CEP162: variants seen among roughly 807,000 people sequenced by gnomAD.
CEP162 encodes the protein centrosomal protein 162, also known as centrosomal protein of 162 kDa.
A neutral mutation model predicts 169.2 loss-of-function variants in CEP162; 141 were observed. The ratio of observed to expected loss-of-function variants is 0.83; its 90% CI spans 0.73 to 0.96. The LOEUF is 0.96. Among genes scored for constraint, CEP162 ranks in the 40% least tolerant of loss-of-function variants. CEP162 has a pLI of 0.00. For missense variants in CEP162, 1,600 were observed against 1,587.2 expected (o/e 1.01, Z -0.14); for synonymous variants, 540 against 526.4 (o/e 1.03, Z -0.35).
At chr6:84,190,479 T>C (rs2099539397) in intron 11 of CEP162, among the ~76,000 whole-genome samples, 1 of 152,160 alleles carries the variant, frequency 6.6e-6, no homozygotes, top group Non-Finnish European at 1.5e-5. Flanking sequence ...CTGCTCACTC[T>C]TCGGGTCCAC....
chr6:84,222,072 A>G (rs1180570476), intron 2 of CEP162, among the ~76,000 whole-genome samples: 1 of 152,088 alleles, frequency 6.6e-6, no homozygotes, highest in Non-Finnish European at 1.5e-5. Flanking sequence ...AAAGTAGAAC[A>G]AAACAAAAAA....
intron 21 of CEP162, among the ~76,000 whole-genome samples, chr6:84,158,589 T>A (rs549121911): frequency 5.2e-4 from 79 of 152,308 alleles, no homozygotes; most frequent in African/African-American, 1.9e-3. Flanking sequence ...TAAATTGGGA[T>A]ATATCCATCT....
At chr6:84,204,529 A>G (rs1365073468) in intron 6 of CEP162, among the ~76,000 whole-genome samples, 1 of 152,222 alleles carries the variant, frequency 6.6e-6, no homozygotes, top group Non-Finnish European at 1.5e-5. Context: ...TTTGAAACCA[A>G]TGAGAACAAA....
intron 2 of CEP162, among the ~76,000 whole-genome samples, chr6:84,225,896 C>T (rs896819713): frequency 6.6e-6 from 1 of 151,954 alleles, no homozygotes; most frequent in African/African-American, 2.4e-5. Flanking sequence ...GTGCAAAGCT[C>T]CTAAGGTGAA....
At chr6:84,154,213 G>C (rs566212945) in intron 22 of CEP162, among the ~76,000 whole-genome samples, 1 of 152,078 alleles carries the variant, frequency 6.6e-6, no homozygotes, top group Non-Finnish European at 1.5e-5. Flanking sequence ...GTGCAGTAGC[G>C]GGTTGGAGTT....
At chr6:84,200,031 A>G (rs975954394) in intron 9 of CEP162, among the ~76,000 whole-genome samples, 20 of 152,048 alleles carry the variant, frequency 1.3e-4, no homozygotes, top group Non-Finnish European at 2.6e-4. Flanking sequence ...CGGGCGGATC[A>G]CAAGATCAGG....
At chr6:84,179,852 T>C (rs1055468796) in intron 13 of CEP162, among the ~76,000 whole-genome samples, 2 of 152,204 alleles carry the variant, frequency 1.3e-5, no homozygotes, top group Admixed American at 6.5e-5. Context: ...CAATAATTAA[T>C]AGCCTACCAA....
chr6:84,130,990 T>A (rs1473462123), intron 25 of CEP162, among the ~76,000 whole-genome samples: 2 of 152,228 alleles, frequency 1.3e-5, no homozygotes, highest in Non-Finnish European at 2.9e-5. Flanking sequence ...CTTGTGGGCA[T>A]TTAGTGCTAT....
In CEP162 at chr6:84,124,819, C is replaced by T; in HGVS notation, c.*251G>A. 2.2e-6 allele frequency: 1 copy of T among 461,624 alleles called. No homozygotes were observed. Among genetic ancestry groups the T allele is most frequent in the Non-Finnish European group, 3.8e-6 (1 of 264,786 alleles). The allele number at this position is 461,624 out of a possible 1,614,324, so 28.6% of individuals were successfully genotyped here. On this transcript the variant is annotated 3_prime_UTR_variant, in exon 27 of 27. Coordinates refer to ENST00000403245, the MANE Select transcript of CEP162 (RefSeq NM_014895.4). ...TTCTATTTCTAGCATACAAGTGAGC[C>T]CTTCTCTGCTATAAAGGAAACTGTC...
chr6:84,190,924 G>A (rs556831447), intron 11 of CEP162, among the ~76,000 whole-genome samples: 3 of 152,206 alleles, frequency 2.0e-5, no homozygotes, highest in Non-Finnish European at 2.9e-5. Flanking sequence ...CTCATGATCC[G>A]CCTGCCTCAG....
chr6:84,187,564 T>C (rs1293556721), intron 11 of CEP162, among the ~76,000 whole-genome samples: 1 of 152,184 alleles, frequency 6.6e-6, no homozygotes, highest in Non-Finnish European at 1.5e-5. Flanking sequence ...CTTGCCAACT[T>C]CCATCTAGAT....
chr6:84,152,350 G>A (rs967836684), intron 23 of CEP162, among the ~76,000 whole-genome samples, 195 bp downstream of exon 23: 2 of 152,170 alleles, frequency 1.3e-5, no homozygotes, highest in Non-Finnish European at 2.9e-5. Context: ...AGGTACATCA[G>A]AATTTGGGCC....
chr6:84,223,659 C>T lies in CEP162; in HGVS notation c.58-2488G>A, dbSNP rs183216046. 7.0e-4 allele frequency among the ~76,000 whole-genome samples: 106 copies of T among 152,170 alleles called. 1 individual carries two copies. Among genetic ancestry groups the T allele is most frequent in the Admixed American group, 4.5e-3 (69 of 15,290 alleles). ...TGGTGGCTCACACCTGTAATCCCAG[C>T]ACTTTGAGAGGCCGAGGCAGGCGGA... On this transcript the variant is annotated intron_variant, in intron 2 of 26. Transcript: ENST00000403245.
intron 26 of CEP162, 76 bp from the exon 27 acceptor site, chr6:84,125,352 G>C: frequency 7.9e-7 from 1 of 1,266,986 alleles, no homozygotes; most frequent in South Asian, 1.2e-5. Flanking sequence ...TCTTAAAGTA[G>C]GCAAACCTGG....
intron 19 of CEP162, among the ~76,000 whole-genome samples, chr6:84,162,631 T>C (rs1476997841): frequency 1.3e-5 from 2 of 152,174 alleles, no homozygotes; most frequent in Non-Finnish European, 2.9e-5. Flanking sequence ...CAAATGCCAC[T>C]CTGCCACGAA....
rs1206785043 is a variant in CEP162 at position 84,125,064 on chromosome 6, T to C, written c.*6A>G. 7 of 1,606,258 alleles carry C rather than the reference T, an allele frequency of 4.4e-6. No individual in the cohort carries two copies. The highest frequency in any genetic ancestry group is 6.0e-6 in the Non-Finnish European group (7 of 1,174,222). On this transcript the variant is annotated 3_prime_UTR_variant, in exon 27 of 27. Transcript: ENST00000403245. ...TAATAAGGTCATTATGAAATCTGAA[T>C]TTCTATTAATACTCTGGTGCATTCA...
chr6:84,185,564 A>T (rs750764556), intron 12 of CEP162, 116 bp from the exon 13 acceptor site: 10 of 869,542 alleles, frequency 1.2e-5, no homozygotes, highest in Non-Finnish European at 1.5e-5. Flanking sequence ...AGTTTGTAAA[A>T]GGCAAACTAC....
At chr6:84,177,717 A>G (rs1196518568) in intron 13 of CEP162, among the ~76,000 whole-genome samples, 16 of 152,076 alleles carry the variant, frequency 1.1e-4, no homozygotes, top group Non-Finnish European at 2.1e-4. Context: ...TTGTATTTTT[A>G]GTAGAGACAG....
chr6:84,224,366 A>G (rs1369309030), intron 2 of CEP162, among the ~76,000 whole-genome samples: 1 of 152,190 alleles, frequency 6.6e-6, no homozygotes, highest in Non-Finnish European at 1.5e-5. Context: ...TCAGCTTAGT[A>G]GTTGCCTAAG....
Sources: gnomAD v4.1 joint callset for allele counts (sites outside exome capture counted in the v4.1 genomes callset) on GRCh38, gnomAD v4.1.1 for gene constraint, MANE v1.5 for transcripts, NCBI Gene and HGNC (gene_info 2026-07-23, HGNC 2026-07-21) for gene names.